The following CDKL2 variants were observed in gnomAD, a reference collection of about 807,000 sequenced individuals.
CDKL2 encodes cyclin-dependent kinase-like 2.
Under a neutral mutation model 63.9 loss-of-function variants are expected in CDKL2, and 64 were observed. That is an observed-to-expected ratio of 1.00 (90% CI 0.82 to 1.23). The LOEUF is 1.23. Ranked by LOEUF, CDKL2 falls within the 50% of genes most tolerant of loss-of-function variation. The probability of loss-of-function intolerance (pLI) is 0.00; values close to 1 mark genes in which losing one functional copy is unlikely to be tolerated. For synonymous variants in CDKL2, 211 were observed against 229.2 expected (o/e 0.92, Z 0.72); for missense variants, 656 against 668.0 (o/e 0.98, Z 0.20).
At chr4:75,588,861 CAAGGAATTCCTCAAAGGAATTCCTCA>C (rs1217270016) in intron 12 of CDKL2, among the ~76,000 whole-genome samples, 151,969 of 151,974 alleles carry the variant, frequency 1, 75,982 homozygotes, top group Middle Eastern at 1. Flanking sequence ...TGCCAGATAG[CAAGGAATTCCTCAAAGGAATTCCTCA>C]AAGGAATTCC....
chr4:75,627,463 G>T (rs542403841), intron 1 of CDKL2, among the ~76,000 whole-genome samples: 26 of 152,114 alleles, frequency 1.7e-4, no homozygotes, highest in Admixed American at 7.2e-4. Context: ...TAGAGATGGG[G>T]TTTTGCCATG....
At position 75,599,537 on chromosome 4, in the gene CDKL2, G is replaced by T. The variant is rs1452248316; in HGVS notation, c.884+744C>A. ...GATTGCACCACTGCACTCCAGCCTG[G>T]GCAACAAGAGCAAAAAAAAAAAAAA... On this transcript the variant is annotated intron_variant, in intron 7 of 13. Transcript: ENST00000307465. Among the ~76,000 whole-genome samples the T allele has an allele frequency of 3.9e-5, 4 of 101,554 alleles. No homozygotes were observed. In the Admixed American group the frequency reaches 5.7e-4, roughly 15 times the overall value. The allele number at this position is 101,554 out of a possible 152,430, so 66.6% of individuals were successfully genotyped here.
intron 1 of CDKL2, among the ~76,000 whole-genome samples, chr4:75,626,432 C>T (rs1730411478): frequency 1.3e-5 from 2 of 151,860 alleles, no homozygotes; most frequent in Admixed American, 6.6e-5. Context: ...TTTGGGAGGC[C>T]AAGGTGGGCG....
At chr4:75,608,767 G>A (rs748994599) in intron 3 of CDKL2, among the ~76,000 whole-genome samples, 9 of 152,286 alleles carry the variant, frequency 5.9e-5, no homozygotes, top group East Asian at 5.8e-4. Context: ...GCCGAGGCAG[G>A]CAGATCACTT....
At chr4:75,585,374 T>C (rs1453459904) in intron 12 of CDKL2, among the ~76,000 whole-genome samples, 2 of 151,990 alleles carry the variant, frequency 1.3e-5, no homozygotes, top group East Asian at 3.9e-4. Flanking sequence ...GGTCAGGAGT[T>C]TGAGCAACAC....
chr4:75,608,226 G>A (rs1308525467), intron 3 of CDKL2, among the ~76,000 whole-genome samples: 1 of 144,396 alleles, frequency 6.9e-6, no homozygotes, highest in Non-Finnish European at 1.5e-5. Flanking sequence ...CTGGGTTCAA[G>A]CGATTCTACT....
intron 1 of CDKL2, among the ~76,000 whole-genome samples, chr4:75,626,493 C>T (rs934193420): frequency 4.6e-5 from 7 of 152,148 alleles, no homozygotes; most frequent in African/African-American, 9.6e-5. Flanking sequence ...GGTGAAACCC[C>T]GTCTCTACTA....
chr4:75,601,827 T>C (rs963307911), intron 6 of CDKL2, among the ~76,000 whole-genome samples: 1 of 152,198 alleles, frequency 6.6e-6, no homozygotes, highest in Non-Finnish European at 1.5e-5. Context: ...TCTAAGAACT[T>C]GTTTAATTAG....
chr4:75,600,533 A>C (rs1729141461), intron 6 of CDKL2, among the ~76,000 whole-genome samples, 164 bp from the exon 7 acceptor site: 1 of 151,972 alleles, frequency 6.6e-6, no homozygotes. Context: ...TCACTACTTA[A>C]CCGCAGCCTT....
At position 75,603,857 on chromosome 4, in the gene CDKL2, C is replaced by A; in HGVS notation, c.755G>T (p.Arg252Leu). 2.5e-6 allele frequency: 4 copies of A among 1,613,064 alleles called. No homozygotes were observed. Among genetic ancestry groups the A allele is most frequent in the Non-Finnish European group, 3.4e-6 (4 of 1,179,616 alleles). Reference sequence around the variant, plus strand: ...CACCACTTCAGAGAGCTTAGGATAGCGTCTTTCAAGAGGTTCTCTTTCCTT... The same window carrying A: ...CACCACTTCAGAGAGCTTAGGATAGAGTCTTTCAAGAGGTTCTCTTTCCTT... ...EIKEREPLER[R>L]YPKLSEVVID... The change falls in exon 6 of 14, where the codon CGC (arginine) becomes CTC (leucine). Residue 252 changes from arginine (R) to leucine (L), a missense_variant. Arg to Leu is a moderately radical substitution (Grantham distance 102, BLOSUM62 -2). Transcript: ENST00000307465.
intron 3 of CDKL2, among the ~76,000 whole-genome samples, chr4:75,610,464 TG>T (rs1729642331): frequency 6.6e-6 from 1 of 152,040 alleles, no homozygotes; most frequent in African/African-American, 2.4e-5. Context: ...CATTGCAGAC[TG>T]GGGTGGCCAG....
At chr4:75,599,550 A>AAAT (rs1351941166) in intron 7 of CDKL2, among the ~76,000 whole-genome samples, 4 of 145,988 alleles carry the variant, frequency 2.7e-5, no homozygotes, top group Non-Finnish European at 6.0e-5. Flanking sequence ...AACAAGAGCA[A>AAAT]AAAAAAAAAA....
Position 75,603,743 on chromosome 4 carries a change from GT to G in CDKL2, c.795+73del, listed in dbSNP as rs138101049. 28 of 828,162 alleles carry G rather than the reference GT, an allele frequency of 3.4e-5. No homozygotes were observed. The South Asian group carries it at 3.6e-4, about 11-fold the overall frequency. 51.3% of individuals were successfully genotyped at this position (828,162 alleles called of 1,614,324 possible). A position where few individuals can be genotyped will look rare whatever the true frequency, so the allele number is the denominator to read the frequency against. ...AAAAAAAAAAAGATCAACTAGACAA[GT>G]AAAAAAAAAAAAAAAAGGTCTTGAT... On this transcript the variant is annotated intron_variant, in intron 6 of 13. Coordinates refer to ENST00000307465, the MANE Select transcript of CDKL2 (RefSeq NM_001330724.2).
At chr4:75,596,719 T>G (rs907670019) in intron 9 of CDKL2, among the ~76,000 whole-genome samples, 18 of 152,330 alleles carry the variant, frequency 1.2e-4, no homozygotes, top group Non-Finnish European at 2.6e-4. Flanking sequence ...CCTTAAGCAA[T>G]AAAACCCTAC....
At chr4:75,591,025 T>C (rs540757225) in intron 12 of CDKL2, among the ~76,000 whole-genome samples, 1 of 152,258 alleles carries the variant, frequency 6.6e-6, no homozygotes, top group South Asian at 2.1e-4. Flanking sequence ...ACACATATAT[T>C]CTGAAAAGTT....
intron 1 of CDKL2, among the ~76,000 whole-genome samples, chr4:75,627,744 T>C (rs1381323910): frequency 6.3e-5 from 9 of 142,912 alleles, no homozygotes; most frequent in South Asian, 2.2e-4. Flanking sequence ...TTTTTTTTTT[T>C]TTTTTTTGAA....
intron 6 of CDKL2, among the ~76,000 whole-genome samples, chr4:75,601,458 C>T (rs1202044148): frequency 6.6e-6 from 1 of 151,930 alleles, no homozygotes. Flanking sequence ...AACTGTGCTA[C>T]TTATAAGTAA....
Position 75,616,996 on chromosome 4 carries a change from C to T in CDKL2, c.169-2547G>A, listed in dbSNP as rs115301077. On this transcript the variant is annotated intron_variant, in intron 2 of 13. Coordinates refer to ENST00000307465, the MANE Select transcript of CDKL2 (RefSeq NM_001330724.2). ...GAAGGGAGAGGACCAGGAAAAATGACTGACAAATAATTGTTTAAACCCAAG... is the reference window on the plus strand; with the variant it reads ...GAAGGGAGAGGACCAGGAAAAATGATTGACAAATAATTGTTTAAACCCAAG... Among the ~76,000 whole-genome samples, 628 of 152,232 alleles carry T rather than the reference C, an allele frequency of 4.1e-3. 3 individuals carry two copies. Among genetic ancestry groups the T allele is most frequent in the African/African-American group, 0.014 (600 of 41,534 alleles).
chr4:75,582,637 A>C (rs1474041182), intron 12 of CDKL2, among the ~76,000 whole-genome samples: 2 of 152,152 alleles, frequency 1.3e-5, no homozygotes, highest in African/African-American at 4.8e-5. Context: ...AAACATGACC[A>C]ACAACTCCCC....
Sources: allele counts gnomAD v4.1 joint callset (sites outside exome capture counted in the v4.1 genomes callset), GRCh38; gene constraint gnomAD v4.1.1; transcripts MANE v1.5; gene names NCBI Gene and HGNC (gene_info 2026-07-23, HGNC 2026-07-21).